The following PACRG variants were observed in gnomAD, a reference collection of about 807,000 sequenced individuals.
PACRG encodes the protein parkin coregulated.
Under a neutral mutation model 29.7 loss-of-function variants are expected in PACRG, and 29 were observed. The ratio of observed to expected loss-of-function variants is 0.98; its 90% confidence interval spans 0.73 to 1.33. The LOEUF (loss-of-function observed/expected upper bound fraction) is 1.33, where lower values mean the gene tolerates loss of function less well. Ranked by LOEUF, PACRG falls within the 40% of genes most tolerant of loss-of-function variation. The pLI is 0.00. For missense variants in PACRG, 279 were observed against 316.2 expected, an observed-to-expected ratio of 0.88 and a Z score of 0.89; for synonymous variants, 116 against 118.7, an observed-to-expected ratio of 0.98 and a Z score of 0.15.
At chr6:163,067,134 C>T (rs552113051) in intron 3 of PACRG, among the ~76,000 whole-genome samples, 1 of 152,252 alleles carries the variant, frequency 6.6e-6, no homozygotes, top group East Asian at 1.9e-4. Flanking sequence ...GAACAGCCTT[C>T]CTGCTGTAGC....
intron 2 of PACRG, among the ~76,000 whole-genome samples, chr6:163,016,417 A>G (rs1421001589): frequency 2.0e-5 from 3 of 152,102 alleles, no homozygotes; most frequent in Non-Finnish European, 4.4e-5. Context: ...GAGGAAAGGA[A>G]CAATTCCAGA....
chr6:162,826,818 C>T (rs1249100721), intron 2 of PACRG, among the ~76,000 whole-genome samples: 1 of 152,054 alleles, frequency 6.6e-6, no homozygotes, highest in African/African-American at 2.4e-5. Context: ...CCTAAGGAGA[C>T]CTTTATCTTC....
At chr6:162,861,067 G>A (rs999077719) in intron 2 of PACRG, among the ~76,000 whole-genome samples, 7 of 151,114 alleles carry the variant, frequency 4.6e-5, no homozygotes, top group Non-Finnish European at 1.0e-4. Flanking sequence ...GAGGCAAACT[G>A]CTTCTCATGA....
chr6:163,056,595 C>G (rs563229570), intron 2 of PACRG, among the ~76,000 whole-genome samples: 1 of 152,238 alleles, frequency 6.6e-6, no homozygotes, highest in East Asian at 1.9e-4. Context: ...CATTACCCCC[C>G]AGAAGCAGGA....
At chr6:163,312,430 G>A (rs7743292) in intron 4 of PACRG, among the ~76,000 whole-genome samples, 31,909 of 151,916 alleles carry the variant, frequency 0.21, 6,280 homozygotes, top group African/African-American at 0.53. Context: ...TACACCTGTA[G>A]CAAATGTCAA....
chr6:163,308,679 A>AAG (rs1785285663), intron 4 of PACRG, among the ~76,000 whole-genome samples: 1 of 150,426 alleles, frequency 6.6e-6, no homozygotes, highest in African/African-American at 2.4e-5. Context: ...AAAAAAAAAA[A>AAG]GGAAAATTTA....
chr6:163,177,350 G>A (rs1779413876), intron 4 of PACRG, among the ~76,000 whole-genome samples: 1 of 152,188 alleles, frequency 6.6e-6, no homozygotes, highest in Non-Finnish European at 1.5e-5. Context: ...GTCCATTTGA[G>A]AGAGGGATGG....
intron 2 of PACRG, among the ~76,000 whole-genome samples, chr6:162,900,637 G>A (rs1213314983): frequency 1.1e-4 from 16 of 152,050 alleles, no homozygotes; most frequent in Admixed American, 1.0e-3. Context: ...GCCACTCTAA[G>A]CTCATCTCTT....
intron 4 of PACRG, among the ~76,000 whole-genome samples, chr6:163,230,339 T>C (rs1781973571): frequency 6.6e-6 from 1 of 152,222 alleles, no homozygotes; most frequent in Non-Finnish European, 1.5e-5. Context: ...AAAATGTATA[T>C]GGAGTACTTA....
intron 2 of PACRG, among the ~76,000 whole-genome samples, chr6:162,988,156 T>C (rs1020533915): frequency 6.6e-6 from 1 of 152,218 alleles, no homozygotes; most frequent in Non-Finnish European, 1.5e-5. Flanking sequence ...AGTCTCCACA[T>C]GCTTTTCTCT....
intron 2 of PACRG, among the ~76,000 whole-genome samples, chr6:162,844,246 C>T (rs184987509): frequency 0.034 from 5,092 of 151,992 alleles, 228 homozygotes; most frequent in African/African-American, 0.12. Context: ...TAGCAACCAG[C>T]GAGACTCCGT....
chr6:163,190,051 A>C lies in PACRG; in HGVS notation c.613+100643A>C, dbSNP rs192488512. On this transcript the variant is annotated intron_variant, in intron 4 of 4. Transcript: ENST00000366888. ...TTCTGATAGAAGAAACTAGGTTTCA[A>C]ATGCGGGTCTTAATAATACAACTGG... 11 of 152,354 alleles carry C rather than the reference A, an allele frequency of 7.2e-5. No individual in the cohort carries two copies. The East Asian group carries it at 2.1e-3, about 29-fold the overall frequency. 9.4% of individuals were successfully genotyped at this position (152,354 alleles called of 1,614,324 possible).
intron 4 of PACRG, among the ~76,000 whole-genome samples, chr6:163,182,230 G>A (rs761625): frequency 0.33 from 50,767 of 152,112 alleles, 9,587 homozygotes; most frequent in Middle Eastern, 0.45. Flanking sequence ...GAGTTAAGTA[G>A]TTTTTCTTGC....
intron 4 of PACRG, among the ~76,000 whole-genome samples, chr6:163,287,259 A>G (rs1361262478): frequency 1.3e-5 from 2 of 152,198 alleles, no homozygotes; most frequent in African/African-American, 4.8e-5. Context: ...CTTGCAGGTC[A>G]AAAAGACAGC....
chr6:163,210,901 G>A (rs10945882), intron 4 of PACRG, among the ~76,000 whole-genome samples: 40,922 of 152,124 alleles, frequency 0.27, 6,529 homozygotes, highest in East Asian at 0.61. Context: ...CTGGTGAACT[G>A]TCTGGTTGGT....
chr6:162,960,265 G>A (rs906947317), intron 2 of PACRG, among the ~76,000 whole-genome samples: 3 of 152,162 alleles, frequency 2.0e-5, no homozygotes, highest in Non-Finnish European at 2.9e-5. Flanking sequence ...GGTATATACC[G>A]AAAGGAAAAT....
intron 1 of PACRG, among the ~76,000 whole-genome samples, chr6:162,773,836 AT>A (rs1783435913): frequency 6.6e-6 from 1 of 152,164 alleles, no homozygotes; most frequent in African/African-American, 2.4e-5. Flanking sequence ...GAATCAGCAT[AT>A]AAATGTAAAG....
At chr6:163,154,739 C>G (rs2747687) in intron 4 of PACRG, among the ~76,000 whole-genome samples, 113,840 of 152,160 alleles carry the variant, frequency 0.75, 43,664 homozygotes, top group African/African-American at 0.93. Flanking sequence ...TACTAAAAAT[C>G]TTTTTGTTAT....
At chr6:162,731,568 A>C (rs6939278) in intron 1 of PACRG, among the ~76,000 whole-genome samples, 103,491 of 151,856 alleles carry the variant, frequency 0.68, 36,172 homozygotes, top group African/African-American at 0.84. Flanking sequence ...TGAGCATCTG[A>C]AGATTTTGGT....
Sources: allele counts gnomAD v4.1 joint callset (sites outside exome capture counted in the v4.1 genomes callset), GRCh38; gene constraint gnomAD v4.1.1; transcripts MANE v1.5; gene names NCBI Gene and HGNC (gene_info 2026-07-23, HGNC 2026-07-21).